The following ENOSF1 variants were observed in gnomAD, a reference collection of about 807,000 sequenced individuals.
ENOSF1 encodes the protein mitochondrial enolase superfamily member 1.
In ENOSF1, 73 loss-of-function variants were observed where a neutral mutation model predicts 68.2. The ratio of observed to expected loss-of-function variants is 1.07; its 90% CI spans 0.89 to 1.30. The LOEUF (loss-of-function observed/expected upper bound fraction) is 1.30, where lower values mean the gene tolerates loss of function less well. Among genes scored for constraint, ENOSF1 ranks in the 50% most tolerant of loss-of-function variants. The pLI is 0.00. For missense variants in ENOSF1, 589 were observed against 554.5 expected (o/e 1.06, Z -0.62); for synonymous variants, 223 against 210.4 (o/e 1.06, Z -0.52).
Position 688,656 on chromosome 18 carries a change from C to A in ENOSF1, c.619-48G>T. 3 of 1,564,028 alleles carry A rather than the reference C, an allele frequency of 1.9e-6. No homozygotes were observed. The South Asian group carries it at 3.3e-5, about 17-fold the overall frequency. On this transcript the variant is annotated intron_variant, in intron 8 of 15. Transcript: ENST00000647584. ...CACACACTGGAGAGAGCCCCTTGGT[C>A]TGACCAGGAAGTCAGTCATTGCTGA...
intron 10 of ENOSF1, among the ~76,000 whole-genome samples, chr18:684,096 C>T (rs915427475): frequency 2.0e-5 from 3 of 151,884 alleles, no homozygotes; most frequent in Admixed American, 6.6e-5. Context: ...CAGGTTCACG[C>T]CATTCTCCTG....
downstream of ENOSF1, among the ~76,000 whole-genome samples, chr18:668,362 G>C (rs1269581922): frequency 6.6e-6 from 1 of 152,200 alleles, no homozygotes; most frequent in African/African-American, 2.4e-5. Flanking sequence ...AGGAGATTAT[G>C]AAGCTCTGCA....
At chr18:711,123 T>C (rs539383449) in intron 1 of ENOSF1, among the ~76,000 whole-genome samples, 1 of 152,218 alleles carries the variant, frequency 6.6e-6, no homozygotes, top group South Asian at 2.1e-4. Flanking sequence ...TGAGCCATGA[T>C]AGTACCACTG....
intron 10 of ENOSF1, among the ~76,000 whole-genome samples, chr18:683,779 CAACATT>C (rs1436951737): frequency 6.6e-6 from 1 of 151,590 alleles, no homozygotes; most frequent in African/African-American, 2.4e-5. Context: ...CATGCACAAT[CAACATT>C]GTTTGTTCAA....
chr18:674,124 G>A lies in ENOSF1; in HGVS notation c.*181C>T, dbSNP rs1336936125. 9.1e-6 allele frequency: 5 copies of A among 552,160 alleles called. No individual in the cohort carries two copies. Among genetic ancestry groups the A allele is most frequent in the East Asian group, 3.1e-5 (1 of 32,454 alleles). The allele number at this position is 552,160 out of a possible 1,614,324, so 34.2% of individuals were successfully genotyped here. On this transcript the variant is annotated 3_prime_UTR_variant, in exon 16 of 16. Transcript: ENST00000647584. Reference sequence around the variant, plus strand: ...TTATTTAAGGATTAAGTAGGATAACGTGCATTGATTTGCTAAAAGAATCAA... The same window carrying A: ...TTATTTAAGGATTAAGTAGGATAACATGCATTGATTTGCTAAAAGAATCAA...
intron 2 of ENOSF1, among the ~76,000 whole-genome samples, chr18:704,994 C>T (rs1185796201): frequency 6.6e-6 from 1 of 152,116 alleles, no homozygotes; most frequent in South Asian, 2.1e-4. Context: ...GACAACTGAC[C>T]GCCAGCCCTG....
rs749371199 is a variant in ENOSF1 at position 691,068 on chromosome 18, CTCTT to C, written c.531_534del (p.Glu179SerfsTer25). ...TGAAGAAAATTTTCTTACAACCCAC[CTCTT>C]TCTTTTTTACCAATTTGACCTTTCT... is the stretch of plus-strand genomic sequence containing the variant. On this transcript the variant is annotated frameshift_variant and splice_region_variant, in exon 7 of 16. Transcript: ENST00000647584. LOFTEE classifies it high-confidence loss of function. 166 of 1,613,994 alleles carry C rather than the reference CTCTT, an allele frequency of 1.0e-4. 2 individuals carry two copies. In the South Asian group the frequency reaches 1.1e-3, roughly 11 times the overall value.
intron 1 of ENOSF1, among the ~76,000 whole-genome samples, chr18:709,041 G>A (rs1054319155): frequency 6.6e-6 from 1 of 152,158 alleles, no homozygotes; most frequent in East Asian, 1.9e-4. Context: ...TGTGATTAGC[G>A]GAATGATCCA....
At chr18:706,337 G>A (rs1461967009) in intron 2 of ENOSF1, 133 bp downstream of exon 2, 1 of 624,538 alleles carries the variant, frequency 1.6e-6, no homozygotes, top group Non-Finnish European at 2.8e-6. Flanking sequence ...TACTCACTTT[G>A]AGCAGTGTAA....
rs2075028794 is a variant in ENOSF1, at chr18:671,180, G to A, written c.*3125C>T. On this transcript the variant is annotated 3_prime_UTR_variant, in exon 16 of 16. Coordinates refer to ENST00000647584, the MANE Select transcript of ENOSF1 (RefSeq NM_017512.7). ...CCAGCACTTTGGGAGACTGAGACAG[G>A]AGCAATTGCTTGAGGTCTGGAGTTC... The A allele has an allele frequency of 4.9e-6, 3 of 614,102 alleles. No individual in the cohort carries two copies. Among genetic ancestry groups the A allele is most frequent in the Admixed American group, 5.8e-5 (2 of 34,336 alleles). 38.0% of individuals were successfully genotyped at this position (614,102 alleles called of 1,614,324 possible). A position where few individuals can be genotyped will look rare whatever the true frequency, so the allele number is the denominator to read the frequency against.
At chr18:678,161 A>C (rs939910051) in intron 12 of ENOSF1, 30 of 330,588 alleles carry the variant, frequency 9.1e-5, no homozygotes, top group Non-Finnish European at 1.4e-4. Flanking sequence ...GCGACTGATA[A>C]GTGGGAGATG....
chr18:691,689 G>A (rs535642004), intron 5 of ENOSF1: 1 of 172,628 alleles, frequency 5.8e-6, no homozygotes, highest in Non-Finnish European at 1.2e-5. Context: ...TCCTGGCAGG[G>A]ACCTTTAGGG....
intron 14 of ENOSF1, 176 bp from the exon 15 acceptor site, chr18:675,578 T>C (rs369496418): frequency 1.3e-5 from 8 of 602,042 alleles, no homozygotes; most frequent in East Asian, 5.6e-5. Flanking sequence ...GGTCCTTTTC[T>C]TCTAAAATAT....
chr18:688,487 T>C lies in ENOSF1; in HGVS notation c.653+87A>G. The C allele has an allele frequency of 3.8e-6, 6 of 1,592,586 alleles. No homozygotes were observed. The South Asian group carries it at 5.6e-5, about 15-fold the overall frequency. On this transcript the variant is annotated intron_variant, in intron 9 of 15. Coordinates refer to ENST00000647584, the MANE Select transcript of ENOSF1 (RefSeq NM_017512.7). ...GGGATCCTAGCCCGTGGGTGCCTTT[T>C]ACTCCTTGGCTCCCTGCCAGGAGAG...
At chr18:666,746 A>G (rs2074823362), downstream of ENOSF1, among the ~76,000 whole-genome samples, 1 of 152,262 alleles carries the variant, frequency 6.6e-6, no homozygotes, top group Non-Finnish European at 1.5e-5. Context: ...AGGAAGTTTA[A>G]AAATGCTGTG....
chr18:704,834 T>C (rs1339151746), intron 2 of ENOSF1, among the ~76,000 whole-genome samples: 30 of 152,086 alleles, frequency 2.0e-4, no homozygotes, highest in Admixed American at 2.0e-3. Flanking sequence ...TTGAACTGCT[T>C]GACTCAAGCA....
Position 683,253 on chromosome 18 carries a change from ATGG to A in ENOSF1, c.866_868del (p.Thr289del). The A allele has an allele frequency of 6.2e-7, 1 of 1,614,106 alleles. No individual in the cohort carries two copies. Among genetic ancestry groups the A allele is most frequent in the Middle Eastern group, 1.7e-4 (1 of 6,060 alleles). ...CAGCAGCCGTTTTCCTACCTTGGAAATGGTGGCGTGCCCCAGAATGTCATCAGG... is the reference window on the plus strand; with the variant it reads ...CAGCAGCCGTTTTCCTACCTTGGAAATGGCGTGCCCCAGAATGTCATCAGG... On this transcript the variant is annotated inframe_deletion, in exon 11 of 16. Coordinates refer to ENST00000647584, the MANE Select transcript of ENOSF1 (RefSeq NM_017512.7).
In ENOSF1 at chr18:678,866, C is replaced by T. The variant is rs536690607; in HGVS notation, c.877-129G>A. 18 of 909,178 alleles carry T rather than the reference C, an allele frequency of 2.0e-5. No individual in the cohort carries two copies. The African/African-American group carries it at 2.1e-4, about 11-fold the overall frequency. The allele number at this position is 909,178 out of a possible 1,614,324, so 56.3% of individuals were successfully genotyped here. On this transcript the variant is annotated intron_variant, in intron 11 of 15. Coordinates refer to ENST00000647584, the MANE Select transcript of ENOSF1 (RefSeq NM_017512.7). ...AAGCCATGTGAAGGCTCAAGACTGG[C>T]AAAGGATGTCCAGGGGAACACATGC...
intron 1 of ENOSF1, 159 bp from the exon 2 acceptor site, chr18:706,737 C>T: frequency 1.9e-6 from 1 of 518,766 alleles, no homozygotes; most frequent in Non-Finnish European, 3.4e-6. Context: ...AAACAAAGGG[C>T]TCTGAATGGA....
Sources: allele counts gnomAD v4.1 joint callset (sites outside exome capture counted in the v4.1 genomes callset), GRCh38; gene constraint gnomAD v4.1.1; transcripts MANE v1.5; gene names NCBI Gene and HGNC (gene_info 2026-07-23, HGNC 2026-07-21).